Variants in KCNJ6 observed in about 807,000 individuals in gnomAD.
KCNJ6 encodes the protein potassium inwardly rectifying channel subfamily J member 6.
KCNJ6 carries 9 observed loss-of-function variants against 34.2 expected under a neutral mutation model. That is an observed-to-expected ratio of 0.26 (90% CI 0.16 to 0.46). KCNJ6 has a LOEUF of 0.46. Among genes scored for constraint, KCNJ6 ranks in the 20% least tolerant of loss-of-function variants. KCNJ6 has a pLI of 1.00. For synonymous variants in KCNJ6, 196 were observed against 207.1 expected (o/e 0.95, Z 0.46); for missense variants, 236 against 531.3 (o/e 0.44, Z 5.46).
At chr21:37,906,957 A>C (rs2055844634) in intron 1 of KCNJ6, among the ~76,000 whole-genome samples, 1 of 152,170 alleles carries the variant, frequency 6.6e-6, no homozygotes, top group South Asian at 2.1e-4. Flanking sequence ...AAGAGGAAGG[A>C]ATCTACCCCA....
At chr21:37,729,889 A>ATT in intron 2 of KCNJ6, among the ~76,000 whole-genome samples, 1 of 151,766 alleles carries the variant, frequency 6.6e-6, no homozygotes, top group Admixed American at 6.6e-5. Context: ...GCAGTCCTGC[A>ATT]ACCTCAGATG....
At chr21:37,813,260 C>T (rs1283812366) in intron 2 of KCNJ6, among the ~76,000 whole-genome samples, 1 of 152,134 alleles carries the variant, frequency 6.6e-6, no homozygotes. Context: ...TTGAACTGGA[C>T]ACCACAAAAT....
rs758616992 is a variant in KCNJ6 at position 37,612,093 on chromosome 21, AACTG to A, written c.*13062_*13065del. The stretch of plus-strand genomic sequence containing the variant: ...ATCATCTATGTAGAAAATCTGAAAT[AACTG>A]ACCAAAAAACAAAACAAAAACAAGC... On this transcript the variant is annotated 3_prime_UTR_variant, in exon 4 of 4. Transcript: ENST00000609713. 14 of 152,210 alleles carry A rather than the reference AACTG, an allele frequency of 9.2e-5. No individual in the cohort carries two copies. The highest frequency in any genetic ancestry group is 3.4e-4 in the African/African-American group (14 of 41,446). The allele number at this position is 152,210 out of a possible 1,614,324, so 9.4% of individuals were successfully genotyped here.
intron 2 of KCNJ6, among the ~76,000 whole-genome samples, chr21:37,812,949 C>T (rs990746652): frequency 6.6e-6 from 1 of 152,050 alleles, no homozygotes; most frequent in Non-Finnish European, 1.5e-5. Flanking sequence ...AAAGGGCATC[C>T]AAATTGGTAA....
chr21:37,709,625 G>A (rs978395888), intron 3 of KCNJ6, among the ~76,000 whole-genome samples: 1 of 152,212 alleles, frequency 6.6e-6, no homozygotes, highest in Admixed American at 6.5e-5. Context: ...ACTGAACACA[G>A]AGTGCCCGAC....
At chr21:37,882,182 C>T (rs1444278518) in intron 1 of KCNJ6, among the ~76,000 whole-genome samples, 1 of 152,184 alleles carries the variant, frequency 6.6e-6, no homozygotes, top group African/African-American at 2.4e-5. Flanking sequence ...TAATTCTCTA[C>T]TGTGTGCCCA....
At chr21:37,769,033 T>C (rs888591798) in intron 2 of KCNJ6, among the ~76,000 whole-genome samples, 1 of 152,178 alleles carries the variant, frequency 6.6e-6, no homozygotes, top group East Asian at 1.9e-4. Flanking sequence ...ATTGTAAACA[T>C]TGCACGCATG....
At chr21:37,627,886 G>A (rs542163587) in intron 3 of KCNJ6, among the ~76,000 whole-genome samples, 27 of 152,328 alleles carry the variant, frequency 1.8e-4, no homozygotes, top group Middle Eastern at 3.4e-3. Flanking sequence ...AAGACTGGGA[G>A]ATTTTTGGTT....
At chr21:37,816,216 C>T (rs1011721888) in intron 2 of KCNJ6, among the ~76,000 whole-genome samples, 3 of 152,172 alleles carry the variant, frequency 2.0e-5, no homozygotes, top group Admixed American at 6.5e-5. Context: ...CTGTGTGCCA[C>T]GCTCTGTGGT....
At chr21:37,631,437 AG>A in intron 3 of KCNJ6, among the ~76,000 whole-genome samples, 1 of 152,360 alleles carries the variant, frequency 6.6e-6, no homozygotes, top group Non-Finnish European at 1.5e-5. Context: ...GTTCAATAAA[AG>A]CAAGAGATGA....
intron 3 of KCNJ6, among the ~76,000 whole-genome samples, chr21:37,645,986 T>C (rs1396961868): frequency 2.0e-5 from 3 of 152,114 alleles, no homozygotes; most frequent in Non-Finnish European, 4.4e-5. Context: ...TTCTTCACAC[T>C]TGGAATCTTT....
chr21:37,778,362 T>C (rs2055152471), intron 2 of KCNJ6, among the ~76,000 whole-genome samples: 1 of 152,168 alleles, frequency 6.6e-6, no homozygotes, highest in East Asian at 1.9e-4. Flanking sequence ...TCTCCAAACA[T>C]AACCACCTCT....
chr21:37,727,894 G>GCAA (rs34175609), intron 2 of KCNJ6, among the ~76,000 whole-genome samples: 24,287 of 151,808 alleles, frequency 0.16, 2,193 homozygotes, highest in East Asian at 0.38. Context: ...TCTGCATCTA[G>GCAA]CAACAACAAC....
At chr21:37,690,784 T>TC in intron 3 of KCNJ6, among the ~76,000 whole-genome samples, 1 of 148,522 alleles carries the variant, frequency 6.7e-6, no homozygotes, top group Admixed American at 6.7e-5. Flanking sequence ...TTCTTTTCTT[T>TC]TTTTTTTTTT....
intron 3 of KCNJ6, among the ~76,000 whole-genome samples, chr21:37,646,722 G>A (rs1406388062): frequency 6.6e-6 from 1 of 151,230 alleles, no homozygotes; most frequent in African/African-American, 2.4e-5. Context: ...CCAGGCTGGA[G>A]TGCAGTGGTG....
At position 37,662,499 on chromosome 21, in the gene KCNJ6, T is replaced by A. The variant is rs1251396659; in HGVS notation, c.947-37015A>T. ...GTGTATATGTACCACATTTGCTTTA[T>A]CCAGTCTATCATTGTGGGCATTTGG... On this transcript the variant is annotated intron_variant, in intron 3 of 3. Transcript: ENST00000609713. Among the ~76,000 whole-genome samples, 3 of 152,260 alleles carry A rather than the reference T, an allele frequency of 2.0e-5. No individual in the cohort carries two copies. In the East Asian group the frequency reaches 5.8e-4, roughly 29 times the overall value.
chr21:37,683,105 T>C (rs992018168), intron 3 of KCNJ6, among the ~76,000 whole-genome samples: 11 of 152,328 alleles, frequency 7.2e-5, no homozygotes, highest in Admixed American at 7.2e-4. Context: ...TGGAAAAATA[T>C]GTCCTCTGAA....
intron 2 of KCNJ6, among the ~76,000 whole-genome samples, chr21:37,721,687 A>G (rs543268174): frequency 6.4e-4 from 98 of 152,388 alleles, no homozygotes; most frequent in African/African-American, 2.2e-3. Flanking sequence ...AACATATGGA[A>G]GGAAATTCTG....
At chr21:37,769,463 C>T (rs928062453) in intron 2 of KCNJ6, among the ~76,000 whole-genome samples, 1 of 145,600 alleles carries the variant, frequency 6.9e-6, no homozygotes. Context: ...TTTTTAGTAG[C>T]AGAACACTTT....
Sources: allele counts gnomAD v4.1 joint callset (sites outside exome capture counted in the v4.1 genomes callset), GRCh38; gene constraint gnomAD v4.1.1; transcripts MANE v1.5; gene names NCBI Gene and HGNC (gene_info 2026-07-23, HGNC 2026-07-21).